The following FBXL12 variants were observed in gnomAD, a reference collection of about 807,000 sequenced individuals.
FBXL12 encodes the protein F-box/LRR-repeat protein 12.
A neutral mutation model predicts 24.9 loss-of-function variants in FBXL12; 22 were observed. The observed-to-expected ratio is 0.88, with a 90% CI of 0.63 to 1.26. The LOEUF is 1.26. FBXL12 is among the 50% of genes most tolerant of loss of function. The pLI is 0.00. For synonymous variants in FBXL12, 193 were observed against 193.8 expected, an observed-to-expected ratio of 1.00 and a Z score of 0.03; for missense variants, 384 against 434.1, an observed-to-expected ratio of 0.88 and a Z score of 1.03.
intron 2 of FBXL12, among the ~76,000 whole-genome samples, chr19:9,817,415 G>A (rs2145381105): frequency 6.6e-6 from 1 of 152,324 alleles, no homozygotes; most frequent in South Asian, 2.1e-4. Flanking sequence ...AGAAATAGTG[G>A]CCACCGAATG....
At chr19:9,818,331 G>A (rs2045927070) in intron 2 of FBXL12, 3 of 590,550 alleles carry the variant, frequency 5.1e-6, no homozygotes, top group South Asian at 4.0e-5. Context: ...CCGTGAGGCA[G>A]GTACTGTCCT....
chr19:9,812,656 T>C (rs200815590), intron 2 of FBXL12, among the ~76,000 whole-genome samples: 6 of 150,140 alleles, frequency 4.0e-5, no homozygotes, highest in East Asian at 1.9e-4. Flanking sequence ...GAGCAACCCA[T>C]TGATATTTTA....
rs747948154 is a variant in FBXL12, at chr19:9,810,855, A to T, written c.*41T>A. ...TGCTGCTCAGAGGGTCTGGGGCTCAATGATGAAAACTGGGATGGGTCCCAA... is the reference window on the plus strand; with the variant it reads ...TGCTGCTCAGAGGGTCTGGGGCTCATTGATGAAAACTGGGATGGGTCCCAA... On this transcript the variant is annotated 3_prime_UTR_variant, in exon 3 of 3. Coordinates refer to ENST00000247977, the MANE Select transcript of FBXL12 (RefSeq NM_017703.3). The T allele has an allele frequency of 1.3e-6, 2 of 1,494,562 alleles. No individual in the cohort carries two copies. The highest frequency in any genetic ancestry group is 1.4e-5 in the African/African-American group (1 of 72,472). 92.6% of individuals were successfully genotyped at this position (1,494,562 alleles called of 1,614,324 possible).
rs367971222 is a variant in FBXL12 at position 9,811,362 on chromosome 19, A to G, written c.515T>C (p.Leu172Pro). 4.8e-5 allele frequency: 77 copies of G among 1,611,652 alleles called. No individual in the cohort carries two copies. Among genetic ancestry groups the G allele is most frequent in the Non-Finnish European group, 6.4e-5 (76 of 1,179,944 alleles). The change falls in exon 3 of 3, where the codon CTG becomes CCG. Residue 172 changes from leucine (L) to proline (P), a missense_variant. Leu to Pro is a moderately conservative substitution (Grantham distance 98). Coordinates refer to ENST00000247977, the MANE Select transcript of FBXL12 (RefSeq NM_017703.3). The surrounding 1 kb of genome is among the most constrained non-coding windows in gnomAD (Gnocchi z 6.0). ...CGAGCGCAAGGCCCGGAAGCGCGTC[A>G]GGCCCTGCAGGTGCTCGTCACGGAA... ...PAFRDEHLQG[L>P]TRFRALRSLV...
rs1217444625 is a variant in FBXL12, at chr19:9,810,305, A to G, written c.*591T>C. 2.0e-5 allele frequency: 3 copies of G among 152,236 alleles called. No homozygotes were observed. The highest frequency in any genetic ancestry group is 7.2e-5 in the African/African-American group (3 of 41,460). The allele number at this position is 152,236 out of a possible 1,614,324, so 9.4% of individuals were successfully genotyped here. On this transcript the variant is annotated 3_prime_UTR_variant, in exon 3 of 3. Transcript: ENST00000247977. Reference sequence around the variant, plus strand: ...AAAATGATTTTTTTCTTTAATAGTAAAATAATATACGTCTTGGAAAATACA... The same window carrying G: ...AAAATGATTTTTTTCTTTAATAGTAGAATAATATACGTCTTGGAAAATACA...
chr19:9,811,159 G>T lies in FBXL12; in HGVS notation c.718C>A (p.Leu240Ile). 1 of 1,607,036 alleles carries T rather than the reference G, an allele frequency of 6.2e-7. No individual in the cohort carries two copies. ...VRKIRLTVRG[L>I]SAPGLAVLEG... is the part of the protein sequence containing the mutation. The stretch of plus-strand genomic sequence containing the variant: ...AGCACAGCCAGGCCAGGGGCAGAGA[G>T]GCCCCTCACGGTCAGCCGGATCTTG... The change falls in exon 3 of 3, where the codon CTC (leucine) becomes ATC (isoleucine). Residue 240 changes from leucine (L) to isoleucine (I), a missense_variant. Leu to Ile is a conservative substitution (Grantham distance 5, BLOSUM62 2). Coordinates refer to ENST00000247977, the MANE Select transcript of FBXL12 (RefSeq NM_017703.3). The surrounding 1 kb of genome is among the most constrained non-coding windows in gnomAD (Gnocchi z 6.0).
Position 9,811,827 on chromosome 19 carries a change from G to A in FBXL12, c.160-110C>T. 1 of 953,946 alleles carries A rather than the reference G, an allele frequency of 1.0e-6. No homozygotes were observed. The highest frequency in any genetic ancestry group is 3.3e-5 in the Admixed American group (1 of 30,722). 59.1% of individuals were successfully genotyped at this position (953,946 alleles called of 1,614,324 possible). On this transcript the variant is annotated intron_variant, in intron 2 of 2. Transcript: ENST00000247977. The surrounding 1 kb of genome is among the most constrained non-coding windows in gnomAD (Gnocchi z 6.0). ...GGTGGGGGATTCTGGTGCCCTGCTG[G>A]GCTTCTGCCCTTGCCTAGCCAGTCT...
In FBXL12 at chr19:9,813,455, C is replaced by G. The variant is rs141645710; in HGVS notation, c.160-1738G>C. On this transcript the variant is annotated intron_variant, in intron 2 of 2. Transcript: ENST00000247977. ...GGTTCAAGCGATTCTCGTGCCTTAG[C>G]CTCCTGAGTAGCTGGGATTACAGGC... 1,909 of 323,864 alleles carry G rather than the reference C, an allele frequency of 5.9e-3. 26 individuals carry two copies. Among genetic ancestry groups the G allele is most frequent in the African/African-American group, 0.036 (1,658 of 46,478 alleles). 20.1% of individuals were successfully genotyped at this position (323,864 alleles called of 1,614,324 possible).
Position 9,816,224 on chromosome 19 carries a change from T to C in FBXL12, c.159+2321A>G, listed in dbSNP as rs199888989. Among the ~76,000 whole-genome samples the C allele has an allele frequency of 3.3e-5, 5 of 152,198 alleles. No individual in the cohort carries two copies. In the East Asian group the frequency reaches 9.6e-4, roughly 29 times the overall value. On this transcript the variant is annotated intron_variant, in intron 2 of 2. Transcript: ENST00000247977. ...GTCTCTGACATGGCCTGGAGACATT[T>C]TCCCCATGGTCCTAATTAGGTTCCT... is the stretch of plus-strand genomic sequence containing the variant.
chr19:9,818,079 GCGA>G, intron 2 of FBXL12: 1 of 368,132 alleles, frequency 2.7e-6, no homozygotes, highest in South Asian at 1.3e-4. Context: ...AGGTGTAGTG[GCGA>G]GCGCCCGTGG....
chr19:9,818,198 T>C, intron 2 of FBXL12: 1 of 430,586 alleles, frequency 2.3e-6, no homozygotes. Flanking sequence ...CGAGACTCTG[T>C]CTCAAAAACA....
At position 9,810,970 on chromosome 19, in the gene FBXL12, G is replaced by A. The variant is rs777577315; in HGVS notation, c.907C>T (p.Leu303=). 3.1e-6 allele frequency: 5 copies of A among 1,613,274 alleles called. No homozygotes were observed. Among genetic ancestry groups the A allele is most frequent in the Non-Finnish European group, 4.2e-6 (5 of 1,179,526 alleles). Residue 303 remains leucine (L), a synonymous_variant, in exon 3 of 3, where the codon CTG becomes TTG. Transcript: ENST00000247977. ...GWEGQEAEKI[L]CKGLPHCMVI... is the part of the protein sequence containing the mutation. ...ATACAGTGGGGCAGCCCCTTACACA[G>A]GATCTTCTCCGCCTCCTGACCCTCC...
At chr19:9,817,351 G>A (rs2045907757) in intron 2 of FBXL12, among the ~76,000 whole-genome samples, 1 of 152,144 alleles carries the variant, frequency 6.6e-6, no homozygotes, top group South Asian at 2.1e-4. Context: ...TTTGACAGAG[G>A]AATCAAATCT....
chr19:9,819,026 A>C lies in FBXL12; in HGVS notation c.-213T>G, dbSNP rs980773023. ...TGGAAAGCGTGGCTGAGGCAGTGAG[A>C]GGCTTGCGGGAGGTGGCTGAGGCGT... On this transcript the variant is annotated 5_prime_UTR_variant, in exon 1 of 3. Coordinates refer to ENST00000247977, the MANE Select transcript of FBXL12 (RefSeq NM_017703.3). The C allele has an allele frequency of 1.5e-5, 9 of 591,862 alleles. No homozygotes were observed. In the African/African-American group the frequency reaches 1.7e-4, roughly 11 times the overall value. The allele number at this position is 591,862 out of a possible 1,614,324, so 36.7% of individuals were successfully genotyped here.
In FBXL12 at chr19:9,819,071, A is replaced by C; in HGVS notation, c.-258T>G. 1 of 552,916 alleles carries C rather than the reference A, an allele frequency of 1.8e-6. No homozygotes were observed. The highest frequency in any genetic ancestry group is 3.3e-5 in the Admixed American group (1 of 30,518). The allele number at this position is 552,916 out of a possible 1,614,324, so 34.3% of individuals were successfully genotyped here. On this transcript the variant is annotated 5_prime_UTR_variant, in exon 1 of 3. Coordinates refer to ENST00000247977, the MANE Select transcript of FBXL12 (RefSeq NM_017703.3). Reference sequence around the variant, plus strand: ...AGGCGTGATTTGGCCGCGACTGGGAACTAAGACCAAGTCCAGAAGGCGGGG... The same window carrying C: ...AGGCGTGATTTGGCCGCGACTGGGACCTAAGACCAAGTCCAGAAGGCGGGG...
rs1022066285 is a variant in FBXL12, at chr19:9,818,910, G to T, written c.-97C>A. 25 of 1,160,228 alleles carry T rather than the reference G, an allele frequency of 2.2e-5. 1 individual carries two copies. The highest frequency in any genetic ancestry group is 2.9e-5 in the Non-Finnish European group (24 of 818,408). 71.9% of individuals were successfully genotyped at this position (1,160,228 alleles called of 1,614,324 possible). The stretch of plus-strand genomic sequence containing the variant: ...ACAGGGCGGCGGCCGCGACCTTCCC[G>T]TAGCCGGTCGAGAAATTTGACCTTC... On this transcript the variant is annotated 5_prime_UTR_variant, in exon 1 of 3. Coordinates refer to ENST00000247977, the MANE Select transcript of FBXL12 (RefSeq NM_017703.3).
intron 2 of FBXL12, among the ~76,000 whole-genome samples, chr19:9,812,151 C>T (rs1257431323): frequency 1.3e-5 from 2 of 152,086 alleles, no homozygotes. Context: ...TGGTCTCCAA[C>T]TCCTGGATTC....
In FBXL12 at chr19:9,818,934, T is replaced by C; in HGVS notation, c.-121A>G. On this transcript the variant is annotated 5_prime_UTR_variant, in exon 1 of 3. Coordinates refer to ENST00000247977, the MANE Select transcript of FBXL12 (RefSeq NM_017703.3). ...CGTAGCCGGTCGAGAAATTTGACCT[T>C]CCTCTCGCTGGGAAGTGATTCGGTC... 1 of 919,802 alleles carries C rather than the reference T, an allele frequency of 1.1e-6. No individual in the cohort carries two copies. Among genetic ancestry groups the C allele is most frequent in the South Asian group, 1.6e-5 (1 of 60,690 alleles). 57.0% of individuals were successfully genotyped at this position (919,802 alleles called of 1,614,324 possible). A position where few individuals can be genotyped will look rare whatever the true frequency, so the allele number is the denominator to read the frequency against.
rs770173398 is a variant in FBXL12 at position 9,818,756 on chromosome 19, G to C, written c.58C>G (p.Pro20Ala). Reference sequence around the variant, plus strand: ...GAGATGCGGATCCGGTCCCGTACCGGGAGGTAAGAGAAGATCTCGAGCAGG... The same window carrying C: ...GAGATGCGGATCCGGTCCCGTACCGCGAGGTAAGAGAAGATCTCGAGCAGG... ...SVLLEIFSYL[P>A]VRDRIRISRV... The change falls in exon 1 of 3, where the codon CCG (proline) becomes GCG (alanine). Residue 20 changes from proline (P) to alanine (A), a missense_variant. By Grantham distance (27) the Pro-to-Ala change is conservative. Coordinates refer to ENST00000247977, the MANE Select transcript of FBXL12 (RefSeq NM_017703.3). 1.4e-5 allele frequency: 21 copies of C among 1,553,338 alleles called. No homozygotes were observed. The Admixed American group carries it at 4.1e-4, about 30-fold the overall frequency.
Sources: allele counts gnomAD v4.1 joint callset (sites outside exome capture counted in the v4.1 genomes callset), GRCh38; gene constraint gnomAD v4.1.1; non-coding constraint Gnocchi (gnomAD v3.1); transcripts MANE v1.5; gene names NCBI Gene and HGNC (gene_info 2026-07-23, HGNC 2026-07-21).